The following N4BP2 variants were observed in gnomAD, a reference collection of about 807,000 sequenced individuals.
N4BP2 encodes NEDD4-binding protein 2.
In N4BP2, 91 loss-of-function variants were observed where a neutral mutation model predicts 152.8. That is an observed-to-expected ratio of 0.60 (90% CI 0.50 to 0.71). N4BP2 has a LOEUF of 0.71. N4BP2 is among the 30% of genes least tolerant of loss of function. The probability of loss-of-function intolerance (pLI) is 0.00; values close to 1 mark genes in which losing one functional copy is unlikely to be tolerated. For synonymous variants in N4BP2, 646 were observed against 705.3 expected (o/e 0.92, Z 1.33); for missense variants, 1,923 against 2,059.1 (o/e 0.93, Z 1.28).
At chr4:40,124,137 T>C in intron 10 of N4BP2, 23 bp from the exon 11 acceptor site, 2 of 1,602,900 alleles carry the variant, frequency 1.2e-6, no homozygotes, top group South Asian at 2.2e-5. Flanking sequence ...TTTGCCAATC[T>C]CTTGCCTGGC....
rs1401754719 is a variant in N4BP2 at position 40,157,309 on chromosome 4, GC to G, written c.*3074del. The G allele has an allele frequency of 6.6e-6, 1 of 151,610 alleles. No homozygotes were observed. The highest frequency in any genetic ancestry group is 1.9e-4 in the East Asian group (1 of 5,198). 9.4% of individuals were successfully genotyped at this position (151,610 alleles called of 1,614,324 possible). ...TTTCCATACTATTTGCAACTTTATGGCCTTTAAATATAGGACATATTATATA... is the reference window on the plus strand; with the variant it reads ...TTTCCATACTATTTGCAACTTTATGGCTTTAAATATAGGACATATTATATA... On this transcript the variant is annotated 3_prime_UTR_variant, in exon 18 of 18. Transcript: ENST00000261435.
chr4:40,133,868 C>T (rs551600940), intron 13 of N4BP2, among the ~76,000 whole-genome samples: 7 of 152,176 alleles, frequency 4.6e-5, no homozygotes, highest in Admixed American at 3.9e-4. Context: ...TGCAGTGGCA[C>T]GATCTTGGCT....
At chr4:40,122,463 T>C (rs1416243165) in intron 9 of N4BP2, among the ~76,000 whole-genome samples, 154 bp downstream of exon 9, 2 of 152,098 alleles carry the variant, frequency 1.3e-5, no homozygotes, top group African/African-American at 4.8e-5. Context: ...AACCTCTGCC[T>C]CCCAGGTTCA....
Position 40,061,286 on chromosome 4 carries a change from C to T in N4BP2, c.-212+4256C>T, listed in dbSNP as rs567350165. Among the ~76,000 whole-genome samples, 115 of 152,240 alleles carry T rather than the reference C, an allele frequency of 7.6e-4. 2 individuals carry two copies. Among genetic ancestry groups the T allele is most frequent in the Admixed American group, 7.4e-3 (113 of 15,268 alleles). ...CCAGGTTCAAGCGATTCTCCTGCCT[C>T]AGCCTCCCGAGTAGCTGGGATTACA... On this transcript the variant is annotated intron_variant, in intron 1 of 17. Transcript: ENST00000261435.
chr4:40,150,189 C>T (rs1721015220), intron 16 of N4BP2, among the ~76,000 whole-genome samples: 1 of 152,194 alleles, frequency 6.6e-6, no homozygotes, highest in South Asian at 2.1e-4. Flanking sequence ...AGAGAGACAT[C>T]TGGACCTTAT....
chr4:40,103,265 T>C, intron 4 of N4BP2, 47 bp downstream of exon 4: 1 of 1,494,258 alleles, frequency 6.7e-7, no homozygotes. Flanking sequence ...ATGTCTGAAT[T>C]TGAACACAAG....
At chr4:40,131,762 C>A in intron 12 of N4BP2, 39 bp from the exon 13 acceptor site, 1 of 1,444,224 alleles carries the variant, frequency 6.9e-7, no homozygotes, top group Non-Finnish European at 9.7e-7. Flanking sequence ...TAGTATTACA[C>A]ATTTCATCTT....
In N4BP2 at chr4:40,148,026, C is replaced by A. The variant is rs1720762772; in HGVS notation, c.5143+3226C>A. The stretch of plus-strand genomic sequence containing the variant: ...CAGACTGGGCAGCCAGGCAGAGGGG[C>A]TCCTCACATCCCAGACGGGGTGGCG... On this transcript the variant is annotated intron_variant, in intron 16 of 17. Transcript: ENST00000261435. Among the ~76,000 whole-genome samples, 3 of 152,006 alleles carry A rather than the reference C, an allele frequency of 2.0e-5. No homozygotes were observed. In the South Asian group the frequency reaches 6.2e-4, roughly 32 times the overall value.
the N4BP2 span, among the ~76,000 whole-genome samples, chr4:40,180,590 G>A: frequency 1.4e-4 from 21 of 152,246 alleles, no homozygotes; most frequent in African/African-American, 4.3e-4. Context: ...ATTCATTCAT[G>A]TACAATCAAT....
chr4:40,127,010 T>C (rs1718467799), intron 12 of N4BP2, among the ~76,000 whole-genome samples: 1 of 151,834 alleles, frequency 6.6e-6, no homozygotes, highest in Non-Finnish European at 1.5e-5. Flanking sequence ...CCACCTGCCT[T>C]AGCCTCCTAA....
intron 1 of N4BP2, among the ~76,000 whole-genome samples, chr4:40,057,857 C>G (rs1255729842): frequency 6.6e-6 from 1 of 152,142 alleles, no homozygotes; most frequent in Non-Finnish European, 1.5e-5. Context: ...AAGGCTCTTC[C>G]TTTCGGCGGC....
the N4BP2 span, among the ~76,000 whole-genome samples, chr4:40,170,061 C>A: frequency 1.3e-5 from 2 of 150,642 alleles, no homozygotes; most frequent in South Asian, 2.1e-4. Context: ...ATAAAAAAAT[C>A]TCTGAAAAAA....
chr4:40,152,629 A>C, intron 16 of N4BP2, 151 bp from the exon 17 acceptor site: 1 of 696,892 alleles, frequency 1.4e-6, no homozygotes, highest in South Asian at 2.0e-5. Flanking sequence ...TTTTTGAGAT[A>C]GCAAATCTGT....
intron 2 of N4BP2, among the ~76,000 whole-genome samples, chr4:40,085,235 G>C (rs1450749733): frequency 6.6e-6 from 1 of 151,288 alleles, no homozygotes; most frequent in African/African-American, 2.4e-5. Context: ...GTAGAGATGG[G>C]GTTTGGCCAT....
At position 40,102,787 on chromosome 4, in the gene N4BP2, C is replaced by T; in HGVS notation, c.942C>T (p.Val314=). 1 of 1,614,142 alleles carries T rather than the reference C, an allele frequency of 6.2e-7. No homozygotes were observed. Among genetic ancestry groups the T allele is most frequent in the Non-Finnish European group, 8.5e-7 (1 of 1,180,030 alleles). The change falls in exon 4 of 18, where the codon GTC becomes GTT. Residue 314 remains valine, a synonymous_variant. Transcript: ENST00000261435. ...GTGGGGATCAGAAATCTACTCGGGTCTCTGATGTGTTTCTACCTTCCGAAG... is the reference window on the plus strand; with the variant it reads ...GTGGGGATCAGAAATCTACTCGGGTTTCTGATGTGTTTCTACCTTCCGAAG... ...GTGGDQKSTR[V]SDVFLPSEGF...
the N4BP2 span, among the ~76,000 whole-genome samples, chr4:40,174,041 CTT>C: frequency 6.6e-6 from 1 of 152,136 alleles, no homozygotes; most frequent in Non-Finnish European, 1.5e-5. Flanking sequence ...AATTTGAAGT[CTT>C]TATTAATCTC....
At chr4:40,098,128 T>C (rs1296284510) in intron 3 of N4BP2, among the ~76,000 whole-genome samples, 2 of 152,224 alleles carry the variant, frequency 1.3e-5, no homozygotes, top group Non-Finnish European at 2.9e-5. Context: ...ACATAGCAAC[T>C]GACTCATAAT....
At chr4:40,139,927 G>C (rs1224429176) in intron 14 of N4BP2, among the ~76,000 whole-genome samples, 1 of 149,770 alleles carries the variant, frequency 6.7e-6, no homozygotes, top group Non-Finnish European at 1.5e-5. Flanking sequence ...CCCCTCCTGA[G>C]TAGCTGGGAC....
At chr4:40,093,889 C>G (rs895613069) in intron 2 of N4BP2, among the ~76,000 whole-genome samples, 1 of 152,026 alleles carries the variant, frequency 6.6e-6, no homozygotes, top group South Asian at 2.1e-4. Context: ...TGTGAGCCAC[C>G]GCGCCCAGCT....
Sources: gnomAD v4.1 joint callset for allele counts (sites outside exome capture counted in the v4.1 genomes callset) on GRCh38, gnomAD v4.1.1 for gene constraint, MANE v1.5 for transcripts, NCBI Gene and HGNC (gene_info 2026-07-23, HGNC 2026-07-21) for gene names.